GABRB2: variants seen among roughly 807,000 people sequenced by gnomAD.
GABRB2 encodes gamma-aminobutyric acid receptor subunit beta-2.
In GABRB2, 16 loss-of-function variants were observed where a neutral mutation model predicts 54.7. The ratio of observed to expected loss-of-function variants is 0.29; its 90% CI spans 0.20 to 0.44. GABRB2 has a LOEUF of 0.44. GABRB2 is among the 20% of genes least tolerant of loss of function. GABRB2 has a pLI of 1.00. For synonymous variants in GABRB2, 244 were observed against 233.8 expected, an observed-to-expected ratio of 1.04 and a Z score of -0.40; for missense variants, 355 against 644.0, an observed-to-expected ratio of 0.55 and a Z score of 4.86.
intron 3 of GABRB2, among the ~76,000 whole-genome samples, chr5:161,543,404 C>G (rs529648311): frequency 6.6e-6 from 1 of 152,158 alleles, no homozygotes; most frequent in Non-Finnish European, 1.5e-5. Flanking sequence ...TATTAGCTAA[C>G]CTACTGCAGC....
At chr5:161,415,530 C>T (rs182842525) in intron 4 of GABRB2, among the ~76,000 whole-genome samples, 23 of 152,214 alleles carry the variant, frequency 1.5e-4, no homozygotes, top group African/African-American at 5.3e-4. Context: ...TGTACCAAAG[C>T]CATACGAAAT....
intron 3 of GABRB2, among the ~76,000 whole-genome samples, chr5:161,481,894 T>G (rs997852279): frequency 6.6e-6 from 1 of 151,976 alleles, no homozygotes; most frequent in Non-Finnish European, 1.5e-5. Context: ...AAGGAGTCAA[T>G]GGTCATAAAT....
intron 3 of GABRB2, among the ~76,000 whole-genome samples, chr5:161,518,445 T>A (rs1052924706): frequency 6.6e-6 from 1 of 152,204 alleles, no homozygotes; most frequent in Admixed American, 6.5e-5. Context: ...CTTGTAATGT[T>A]TCTAATAGTA....
intron 5 of GABRB2, among the ~76,000 whole-genome samples, chr5:161,344,963 A>G (rs1200126775): frequency 6.6e-6 from 1 of 152,060 alleles, no homozygotes; most frequent in Non-Finnish European, 1.5e-5. Flanking sequence ...CAAACACCAC[A>G]TGTTCTCACT....
chr5:161,487,748 T>C (rs1287745041), intron 3 of GABRB2, among the ~76,000 whole-genome samples: 1 of 151,934 alleles, frequency 6.6e-6, no homozygotes, highest in East Asian at 1.9e-4. Context: ...TGTAAAAAGC[T>C]CTTTCTCTAG....
chr5:161,358,477 A>AT (rs556714879), intron 5 of GABRB2, among the ~76,000 whole-genome samples: 1 of 152,206 alleles, frequency 6.6e-6, no homozygotes, highest in African/African-American at 2.4e-5. Context: ...GGGAAAATTA[A>AT]TTTTTTTGAA....
intron 4 of GABRB2, among the ~76,000 whole-genome samples, chr5:161,421,112 CTGTG>C (rs1382241729): frequency 6.6e-6 from 1 of 152,136 alleles, no homozygotes; most frequent in Non-Finnish European, 1.5e-5. Context: ...TGAAACTGTC[CTGTG>C]TGTGTATTTG....
At chr5:161,352,313 A>G (rs1035729928) in intron 5 of GABRB2, among the ~76,000 whole-genome samples, 5 of 152,156 alleles carry the variant, frequency 3.3e-5, no homozygotes, top group Admixed American at 2.6e-4. Context: ...GTGTCCATCA[A>G]TGGATAAGTG....
chr5:161,334,858 A>G lies in GABRB2; in HGVS notation c.726T>C (p.Ile242=). The G allele has an allele frequency of 6.2e-7, 1 of 1,614,032 alleles. No homozygotes were observed. Among genetic ancestry groups the G allele is most frequent in the Non-Finnish European group, 8.5e-7 (1 of 1,179,896 alleles). The change falls in exon 7 of 10, where the codon ATT becomes ATC. Residue 242 remains isoleucine, a synonymous_variant. Transcript: ENST00000393959. ...TGTATGTTTGCAGGATAAAGTAGCC[A>G]ATGTTTCTCTTAAGCTTAAAGCTGA... ...LSLSFKLKRN[I]GYFILQTYMP...
intron 3 of GABRB2, among the ~76,000 whole-genome samples, chr5:161,489,888 A>C (rs954819133): frequency 6.6e-6 from 1 of 151,732 alleles, no homozygotes; most frequent in South Asian, 2.1e-4. Context: ...CTGTTTTATA[A>C]ACTTAAATCC....
chr5:161,470,598 C>G (rs1000460919), intron 3 of GABRB2, among the ~76,000 whole-genome samples: 1 of 151,800 alleles, frequency 6.6e-6, no homozygotes, highest in Admixed American at 6.6e-5. Flanking sequence ...GAGTGATGAA[C>G]AGGCAGATAA....
intron 3 of GABRB2, among the ~76,000 whole-genome samples, chr5:161,464,336 G>T (rs1758214524): frequency 6.6e-6 from 1 of 151,900 alleles, no homozygotes; most frequent in South Asian, 2.1e-4. Context: ...TTTATAAAAT[G>T]ATGCTCAACA....
intron 4 of GABRB2, among the ~76,000 whole-genome samples, chr5:161,424,558 T>C (rs1238298276): frequency 6.6e-6 from 1 of 152,170 alleles, no homozygotes; most frequent in Non-Finnish European, 1.5e-5. Context: ...TTAAGCCTAC[T>C]GTTGAGACCT....
At chr5:161,474,428 T>C (rs1281154808) in intron 3 of GABRB2, among the ~76,000 whole-genome samples, 3 of 152,006 alleles carry the variant, frequency 2.0e-5, no homozygotes, top group Admixed American at 6.6e-5. Context: ...CGGGGCCTAA[T>C]TTTATGAACT....
chr5:161,456,758 G>A (rs1757965675), intron 4 of GABRB2, among the ~76,000 whole-genome samples: 1 of 152,068 alleles, frequency 6.6e-6, no homozygotes, highest in African/African-American at 2.4e-5. Context: ...ACTAACTACT[G>A]ATATTAATAT....
intron 4 of GABRB2, among the ~76,000 whole-genome samples, chr5:161,413,633 G>C (rs999781541): frequency 1.3e-5 from 2 of 152,038 alleles, no homozygotes; most frequent in Admixed American, 1.3e-4. Context: ...TAGAGAGCAG[G>C]CATTTTCAAC....
chr5:161,400,383 G>C (rs1316973907), intron 5 of GABRB2, among the ~76,000 whole-genome samples: 2 of 152,096 alleles, frequency 1.3e-5, no homozygotes, highest in Non-Finnish European at 2.9e-5. Flanking sequence ...GGCATTGCTG[G>C]TACCTTTCCT....
chr5:161,468,088 A>C (rs1019307409), intron 3 of GABRB2, among the ~76,000 whole-genome samples: 3 of 152,056 alleles, frequency 2.0e-5, no homozygotes, highest in African/African-American at 7.2e-5. Context: ...CAAACAATCT[A>C]GTTTAAGGCA....
intron 5 of GABRB2, among the ~76,000 whole-genome samples, chr5:161,357,164 G>A (rs1754656260): frequency 1.3e-5 from 2 of 152,248 alleles, no homozygotes; most frequent in Non-Finnish European, 2.9e-5. Context: ...CTGTTGTCTT[G>A]GGAGGACACT....
Sources: gnomAD v4.1 joint callset for allele counts (sites outside exome capture counted in the v4.1 genomes callset) on GRCh38, gnomAD v4.1.1 for gene constraint, MANE v1.5 for transcripts, NCBI Gene and HGNC (gene_info 2026-07-23, HGNC 2026-07-21) for gene names.